Variants in STX6 observed in about 807,000 individuals in gnomAD.
The protein encoded by STX6 is syntaxin-6.
A neutral mutation model predicts 38.0 loss-of-function variants in STX6; 23 were observed. The ratio of observed to expected loss-of-function variants is 0.60; its 90% CI spans 0.43 to 0.86. The LOEUF is 0.86. Among genes scored for constraint, STX6 ranks in the 40% least tolerant of loss-of-function variants. The pLI, the probability that STX6 is intolerant of heterozygous loss-of-function variation, is 0.00. For missense variants in STX6, 274 were observed against 312.9 expected (o/e 0.88, Z 0.94); for synonymous variants, 123 against 107.5 (o/e 1.14, Z -0.89).
chr1:181,019,299 G>A (rs929198694), intron 1 of STX6, among the ~76,000 whole-genome samples: 8 of 148,926 alleles, frequency 5.4e-5, no homozygotes, highest in African/African-American at 2.0e-4. Flanking sequence ...TCAACAAAGA[G>A]TATGTGTTCA....
chr1:180,988,155 G>T, intron 6 of STX6, 84 bp downstream of exon 6: 1 of 913,306 alleles, frequency 1.1e-6, no homozygotes, highest in Non-Finnish European at 1.8e-6. Context: ...TACCAGCCAC[G>T]TAGCTGCCAG....
intron 1 of STX6, among the ~76,000 whole-genome samples, chr1:181,008,581 AGT>A (rs1656294580): frequency 6.6e-6 from 1 of 152,174 alleles, no homozygotes; most frequent in Non-Finnish European, 1.5e-5. Context: ...TAGTCTACTG[AGT>A]ATTGCAGAAC....
intron 1 of STX6, among the ~76,000 whole-genome samples, chr1:181,022,168 G>A (rs1379120409): frequency 1.3e-5 from 2 of 151,796 alleles, no homozygotes; most frequent in Non-Finnish European, 2.9e-5. Context: ...CCAGTCTGCG[G>A]ACAAGCGCTC....
chr1:180,993,463 T>C (rs926665620), intron 3 of STX6, 38 bp from the exon 4 acceptor site: 3 of 1,223,612 alleles, frequency 2.5e-6, no homozygotes, highest in Admixed American at 1.8e-5. Flanking sequence ...ATGAAAAATA[T>C]CCTTAAACAA....
At chr1:181,010,774 T>C (rs1190766221) in intron 1 of STX6, among the ~76,000 whole-genome samples, 2 of 152,096 alleles carry the variant, frequency 1.3e-5, no homozygotes, top group Non-Finnish European at 2.9e-5. Context: ...TCAGTGCAAA[T>C]GTCAACATGG....
rs191008179 is a variant in STX6, at chr1:181,013,403, C to T, written c.36-7940G>A. Among the ~76,000 whole-genome samples the T allele has an allele frequency of 1.2e-4, 18 of 152,272 alleles. No individual in the cohort carries two copies. The East Asian group carries it at 2.7e-3, about 23-fold the overall frequency. On this transcript the variant is annotated intron_variant, in intron 1 of 7. Transcript: ENST00000258301. ...GTGCAATCACAGCTCACTGTAATCT[C>T]GAATTCCTGGGTTCAAAGGATTCTT...
chr1:180,982,984 T>C (rs112258745), intron 7 of STX6, among the ~76,000 whole-genome samples: 4 of 152,242 alleles, frequency 2.6e-5, no homozygotes, highest in Admixed American at 2.0e-4. Context: ...GTTTTGGATG[T>C]AATAGGTCCA....
intron 3 of STX6, among the ~76,000 whole-genome samples, chr1:180,998,734 A>G (rs1655987674): frequency 1.3e-5 from 2 of 152,242 alleles, no homozygotes; most frequent in African/African-American, 4.8e-5. Flanking sequence ...GTTAGCAGAT[A>G]CCACACAACA....
intron 1 of STX6, among the ~76,000 whole-genome samples, chr1:181,010,727 C>T (rs1656367546): frequency 6.6e-6 from 1 of 151,992 alleles, no homozygotes; most frequent in South Asian, 2.1e-4. Flanking sequence ...TGGTAAGGCA[C>T]CAGGAGTTTT....
At chr1:181,022,450 C>G (rs566742671) in intron 1 of STX6, among the ~76,000 whole-genome samples, 189 bp downstream of exon 1, 1 of 152,168 alleles carries the variant, frequency 6.6e-6, no homozygotes, top group Non-Finnish European at 1.5e-5. Flanking sequence ...AGTGGCTTCA[C>G]GGTCCAGGTA....
At chr1:180,986,756 G>A (rs1473214234) in intron 6 of STX6, among the ~76,000 whole-genome samples, 1 of 152,120 alleles carries the variant, frequency 6.6e-6, no homozygotes, top group Non-Finnish European at 1.5e-5. Context: ...TTGTTCTAGT[G>A]AGCTGTGGAG....
chr1:181,006,166 G>A (rs1656220665), intron 1 of STX6, among the ~76,000 whole-genome samples: 1 of 152,024 alleles, frequency 6.6e-6, no homozygotes, highest in Non-Finnish European at 1.5e-5. Context: ...GGGTTCAAGT[G>A]ACTCTTCTGC....
At chr1:180,995,988 T>A (rs1288452818) in intron 3 of STX6, among the ~76,000 whole-genome samples, 1 of 152,192 alleles carries the variant, frequency 6.6e-6, no homozygotes, top group Admixed American at 6.5e-5. Context: ...GCTATATGTT[T>A]AGGTTAATTA....
At chr1:181,006,866 G>A (rs1225336272) in intron 1 of STX6, among the ~76,000 whole-genome samples, 1 of 152,230 alleles carries the variant, frequency 6.6e-6, no homozygotes, top group Non-Finnish European at 1.5e-5. Flanking sequence ...TGCAGGCTGA[G>A]TAAATAAGCA....
chr1:180,999,215 T>A (rs563658653), intron 3 of STX6, among the ~76,000 whole-genome samples: 70 of 152,296 alleles, frequency 4.6e-4, no homozygotes, highest in African/African-American at 1.6e-3. Context: ...TAGATAAAAC[T>A]GAGATCCAGG....
At chr1:181,022,560 C>T in intron 1 of STX6, 79 bp downstream of exon 1, 1 of 1,465,544 alleles carries the variant, frequency 6.8e-7, no homozygotes, top group Non-Finnish European at 9.4e-7. Context: ...CCCCTCCCCC[C>T]ACTGCGAGAA....
At chr1:181,014,808 T>C (rs917935144) in intron 1 of STX6, among the ~76,000 whole-genome samples, 3 of 152,244 alleles carry the variant, frequency 2.0e-5, no homozygotes, top group Non-Finnish European at 4.4e-5. Flanking sequence ...CTTGACTTTA[T>C]TGCCATTTCC....
chr1:181,010,081 G>A (rs1456763608), intron 1 of STX6, among the ~76,000 whole-genome samples: 2 of 152,140 alleles, frequency 1.3e-5, no homozygotes, highest in African/African-American at 4.8e-5. Flanking sequence ...ATGGGGGAAG[G>A]ACCAGAAGGC....
chr1:181,008,203 T>C (rs905821902), intron 1 of STX6, among the ~76,000 whole-genome samples: 1 of 152,242 alleles, frequency 6.6e-6, no homozygotes, highest in African/African-American at 2.4e-5. Flanking sequence ...TTTTCTTGTT[T>C]TTCTTAGCTT....
Sources: allele counts gnomAD v4.1 joint callset (sites outside exome capture counted in the v4.1 genomes callset), GRCh38; gene constraint gnomAD v4.1.1; transcripts MANE v1.5; gene names NCBI Gene and HGNC (gene_info 2026-07-23, HGNC 2026-07-21).